The following PDLIM1 variants were observed in gnomAD, a reference collection of about 807,000 sequenced individuals.
PDLIM1 encodes the protein PDZ and LIM domain 1.
A neutral mutation model predicts 35.2 loss-of-function variants in PDLIM1; 25 were observed. That is an observed-to-expected ratio of 0.71 (90% CI 0.52 to 0.99). The LOEUF is 0.99. PDLIM1 is among the 50% of genes least tolerant of loss of function. The pLI is 0.00. For synonymous variants in PDLIM1, 152 were observed against 154.0 expected, an observed-to-expected ratio of 0.99 and a Z score of 0.10; for missense variants, 363 against 415.3, an observed-to-expected ratio of 0.87 and a Z score of 1.09.
intron 1 of PDLIM1, chr10:95,272,894 C>T (rs115356243): frequency 1.0e-3 from 159 of 152,148 alleles, no homozygotes; most frequent in African/African-American, 3.8e-3. Context: ...TGCAATAGGT[C>T]CTTAAATTCA....
At chr10:95,243,464 A>C (rs2035194771) in intron 5 of PDLIM1, among the ~76,000 whole-genome samples, 2 of 152,114 alleles carry the variant, frequency 1.3e-5, no homozygotes, top group African/African-American at 4.8e-5. Flanking sequence ...CTGCTCAACA[A>C]CCTTGCATGA....
intron 1 of PDLIM1, among the ~76,000 whole-genome samples, chr10:95,287,711 T>C (rs543101534): frequency 2.0e-5 from 3 of 151,976 alleles, no homozygotes; most frequent in Non-Finnish European, 4.4e-5. Context: ...AAGTGTTGAT[T>C]TGAAGCAGGA....
At chr10:95,274,749 A>C (rs2035497165) in intron 1 of PDLIM1, among the ~76,000 whole-genome samples, 1 of 152,218 alleles carries the variant, frequency 6.6e-6, no homozygotes. Flanking sequence ...CTGTGCTGTG[A>C]TATTGCAAAA....
intron 5 of PDLIM1, among the ~76,000 whole-genome samples, chr10:95,245,232 T>C (rs1239789483): frequency 1.3e-5 from 2 of 152,202 alleles, no homozygotes; most frequent in African/African-American, 4.8e-5. Context: ...GTGGGACTTC[T>C]GGGAAGGAGA....
intron 1 of PDLIM1, among the ~76,000 whole-genome samples, chr10:95,282,884 C>T (rs1382748724): frequency 6.6e-6 from 1 of 152,152 alleles, no homozygotes; most frequent in Non-Finnish European, 1.5e-5. Context: ...ATGGAGGTTG[C>T]AATGAGCCGA....
intron 4 of PDLIM1, among the ~76,000 whole-genome samples, chr10:95,258,476 T>TG (rs1005713184): frequency 3.9e-5 from 6 of 151,932 alleles, no homozygotes; most frequent in African/African-American, 1.5e-4. Flanking sequence ...CACTCCAGCC[T>TG]GGGGGACAGA....
intron 4 of PDLIM1, among the ~76,000 whole-genome samples, chr10:95,257,919 G>T (rs994455738): frequency 2.0e-5 from 3 of 152,288 alleles, no homozygotes; most frequent in Admixed American, 6.5e-5. Context: ...ATGTGTATTC[G>T]TGTGTTTTCA....
rs61442624 is a variant in PDLIM1, at chr10:95,276,896, TAA to T, written c.97-5114_97-5113del. 9.9e-3 allele frequency among the ~76,000 whole-genome samples: 684 copies of T among 68,870 alleles called. 8 individuals are homozygous for T. The highest frequency in any genetic ancestry group is 0.02 in the Middle Eastern group (1 of 50). 45.2% of individuals were successfully genotyped at this position (68,870 alleles called of 152,430 possible). A position where few individuals can be genotyped will look rare whatever the true frequency, so the allele number is the denominator to read the frequency against. ...CATAATAGAGTCAGCTTCAGTTTCC[TAA>T]AAAAAAAAAAAAAAAAAAAAAAAAA... On this transcript the variant is annotated intron_variant, in intron 1 of 6. Transcript: ENST00000329399.
rs555665201 is a variant in PDLIM1 at position 95,249,705 on chromosome 10, T to C, written c.534-2339A>G. On this transcript the variant is annotated intron_variant, in intron 4 of 6. Coordinates refer to ENST00000329399, the MANE Select transcript of PDLIM1 (RefSeq NM_020992.4). ...CCTTTCTCTTTTCTGAGACAACCTC[T>C]GGGGCACGTTCAGTACTCAGGTCCC... Among the ~76,000 whole-genome samples, 9 of 152,326 alleles carry C rather than the reference T, an allele frequency of 5.9e-5. No individual in the cohort carries two copies. In the South Asian group the frequency reaches 1.9e-3, roughly 32 times the overall value.
chr10:95,261,563 C>G (rs1419599437), intron 4 of PDLIM1, among the ~76,000 whole-genome samples: 1 of 152,152 alleles, frequency 6.6e-6, no homozygotes, highest in Admixed American at 6.5e-5. Flanking sequence ...GCCAGTAAGC[C>G]CTTGCAAGAA....
Position 95,250,628 on chromosome 10 carries a change from G to A in PDLIM1, c.534-3262C>T, listed in dbSNP as rs549299290. Among the ~76,000 whole-genome samples, 32 of 152,262 alleles carry A rather than the reference G, an allele frequency of 2.1e-4. No individual in the cohort carries two copies. In the East Asian group the frequency reaches 3.5e-3, roughly 17 times the overall value. ...TTTTATATTAAAAACAGCAATGAAA[G>A]AATATTACAGTGATATGGCTTCAGA... is the stretch of plus-strand genomic sequence containing the variant. On this transcript the variant is annotated intron_variant, in intron 4 of 6. Transcript: ENST00000329399.
intron 1 of PDLIM1, among the ~76,000 whole-genome samples, chr10:95,288,100 G>A (rs923915493): frequency 6.6e-6 from 1 of 151,988 alleles, no homozygotes; most frequent in African/African-American, 2.4e-5. Flanking sequence ...TCTTGACTTG[G>A]GTAGTGATTA....
intron 4 of PDLIM1, among the ~76,000 whole-genome samples, chr10:95,256,843 C>T (rs1454428869): frequency 4.0e-5 from 6 of 151,502 alleles, no homozygotes; most frequent in Non-Finnish European, 5.9e-5. Context: ...GGAGTGGCAA[C>T]GCAAGCCTGT....
intron 5 of PDLIM1, among the ~76,000 whole-genome samples, chr10:95,239,426 G>A (rs1021967782): frequency 2.0e-5 from 3 of 152,152 alleles, no homozygotes; most frequent in African/African-American, 7.2e-5. Context: ...CACAGAATGC[G>A]AGAAAATTTT....
chr10:95,268,985 C>T, intron 2 of PDLIM1, 123 bp from the exon 3 acceptor site: 1 of 671,466 alleles, frequency 1.5e-6, no homozygotes, highest in Non-Finnish European at 2.6e-6. Flanking sequence ...CTCCCATCAG[C>T]TCTACCTTCC....
At chr10:95,279,258 A>T (rs1160269331) in intron 1 of PDLIM1, among the ~76,000 whole-genome samples, 1 of 152,116 alleles carries the variant, frequency 6.6e-6, no homozygotes, top group Non-Finnish European at 1.5e-5. Flanking sequence ...CTACTGCCCC[A>T]GCCACAGAAA....
chr10:95,242,667 G>A (rs570784640), intron 5 of PDLIM1, among the ~76,000 whole-genome samples: 8 of 146,420 alleles, frequency 5.5e-5, no homozygotes, highest in South Asian at 2.2e-4. Flanking sequence ...AAACCTAGGC[G>A]ACAGAGGTCT....
At position 95,268,763 on chromosome 10, in the gene PDLIM1, T is replaced by C. The variant is rs7098380; in HGVS notation, c.333+15A>G. 7,874 of 1,563,102 alleles carry C rather than the reference T, an allele frequency of 5.0e-3. 233 individuals carry two copies. In the African/African-American group the frequency reaches 0.078, roughly 16 times the overall value. On this transcript the variant is annotated intron_variant, in intron 3 of 6. Transcript: ENST00000329399. ...TGGGTGGTGAGAGCAGCGGCAACGATGAGCAAGAACTTACCTGGGGTTCAG... is the reference window on the plus strand; with the variant it reads ...TGGGTGGTGAGAGCAGCGGCAACGACGAGCAAGAACTTACCTGGGGTTCAG...
chr10:95,246,907 G>C (rs559434745), intron 5 of PDLIM1, among the ~76,000 whole-genome samples: 1 of 152,220 alleles, frequency 6.6e-6, no homozygotes, highest in South Asian at 2.1e-4. Context: ...ATGGCCAAGG[G>C]ACAGACCAAC....
Sources: allele counts gnomAD v4.1 joint callset (sites outside exome capture counted in the v4.1 genomes callset), GRCh38; gene constraint gnomAD v4.1.1; transcripts MANE v1.5; gene names NCBI Gene and HGNC (gene_info 2026-07-23, HGNC 2026-07-21).